The following PLEKHA8 variants were observed in gnomAD, a reference collection of about 807,000 sequenced individuals.
The protein encoded by PLEKHA8 is pleckstrin homology domain-containing family A member 8.
Under a neutral mutation model 68.2 loss-of-function variants are expected in PLEKHA8, and 36 were observed. That is an observed-to-expected ratio of 0.53 (90% CI 0.40 to 0.70). The LOEUF (loss-of-function observed/expected upper bound fraction) is 0.70. Among genes scored for constraint, PLEKHA8 ranks in the 30% least tolerant of loss-of-function variants. PLEKHA8 has a pLI of 0.00. For missense variants in PLEKHA8, 505 were observed against 615.4 expected, an observed-to-expected ratio of 0.82 and a Z score of 1.90; for synonymous variants, 211 against 216.1, an observed-to-expected ratio of 0.98 and a Z score of 0.20.
chr7:30,101,892 C>A (rs1210362657), intron 13 of PLEKHA8, among the ~76,000 whole-genome samples: 2 of 152,088 alleles, frequency 1.3e-5, no homozygotes, highest in Non-Finnish European at 2.9e-5. Context: ...GTAGATATGA[C>A]ACTAAAAGCA....
At chr7:30,045,321 A>G in intron 2 of PLEKHA8, 120 bp downstream of exon 2, 1 of 691,776 alleles carries the variant, frequency 1.4e-6, no homozygotes, top group South Asian at 2.2e-5. Flanking sequence ...CAAGGGACAT[A>G]GTGTTATGTG....
intron 9 of PLEKHA8, among the ~76,000 whole-genome samples, chr7:30,059,326 C>T (rs1793246393): frequency 6.6e-6 from 1 of 152,138 alleles, no homozygotes; most frequent in Non-Finnish European, 1.5e-5. Flanking sequence ...ATAGCATGTA[C>T]ATGCAAATTA....
At chr7:30,123,635 G>A (rs182018754) in intron 13 of PLEKHA8, among the ~76,000 whole-genome samples, 30 of 152,180 alleles carry the variant, frequency 2.0e-4, no homozygotes, top group Middle Eastern at 6.8e-3. Context: ...TGGATCTCTC[G>A]TTTTTGAGCT....
chr7:30,069,183 TG>T (rs1794069776), intron 12 of PLEKHA8, among the ~76,000 whole-genome samples: 3 of 152,184 alleles, frequency 2.0e-5, no homozygotes, highest in African/African-American at 7.2e-5. Context: ...ACTTCCCCGG[TG>T]CCTATCTGTT....
At chr7:30,029,082 C>T (rs1360411660) in intron 1 of PLEKHA8, among the ~76,000 whole-genome samples, 2 of 152,176 alleles carry the variant, frequency 1.3e-5, no homozygotes, top group Non-Finnish European at 2.9e-5. Context: ...GCACGGTGCT[C>T]TTGATGTCAG....
At chr7:30,094,274 A>G (rs74612867), downstream of PLEKHA8, among the ~76,000 whole-genome samples, 21,051 of 147,024 alleles carry the variant, frequency 0.14, 1,507 homozygotes, top group Middle Eastern at 0.19. Flanking sequence ...GCAAGTTTCT[A>G]CTTTTTTTTT....
intron 13 of PLEKHA8, among the ~76,000 whole-genome samples, chr7:30,108,090 A>AAAAAAAAAAAAAAAAAAATAAC (rs1796139364): frequency 6.7e-6 from 1 of 148,858 alleles, no homozygotes; most frequent in African/African-American, 2.5e-5. Context: ...AAAAAAAAAA[A>AAAAAAAAAAAAAAAAAAATAAC]AACCTACATT....
At chr7:30,034,743 C>T (rs1247321619) in intron 1 of PLEKHA8, among the ~76,000 whole-genome samples, 5 of 152,086 alleles carry the variant, frequency 3.3e-5, no homozygotes, top group South Asian at 2.1e-4. Context: ...CGCATGTGCA[C>T]GGTTGAAATT....
chr7:30,061,781 G>A (rs1793456903), intron 10 of PLEKHA8, 116 bp from the exon 11 acceptor site: 1 of 1,115,958 alleles, frequency 9.0e-7, no homozygotes, highest in Non-Finnish European at 1.3e-6. Context: ...GGTAATAGGA[G>A]CTTAATTTAT....
At chr7:30,117,610 G>A (rs1256321086) in intron 13 of PLEKHA8, among the ~76,000 whole-genome samples, 1 of 151,994 alleles carries the variant, frequency 6.6e-6, no homozygotes, top group South Asian at 2.1e-4. Flanking sequence ...AGGCTGAGGC[G>A]AGAGGGTCAC....
In PLEKHA8 at chr7:30,045,302, A is replaced by G. The variant is rs1019168125; in HGVS notation, c.157+101A>G. The G allele has an allele frequency of 1.2e-5, 10 of 824,138 alleles. No individual in the cohort carries two copies. The African/African-American group carries it at 1.4e-4, about 11-fold the overall frequency. 51.1% of individuals were successfully genotyped at this position (824,138 alleles called of 1,614,324 possible). ...GCATACCTTTCTCTGCTGCTCCCAT[A>G]ATACAGACCAAGGGACATAGTGTTA... On this transcript the variant is annotated intron_variant, in intron 2 of 13. Transcript: ENST00000449726.
chr7:30,046,751 G>A (rs145483143), intron 3 of PLEKHA8, among the ~76,000 whole-genome samples: 2 of 152,306 alleles, frequency 1.3e-5, no homozygotes, highest in South Asian at 4.1e-4. Flanking sequence ...TATCCAGTCT[G>A]TGGCCAAACT....
Position 30,082,821 on chromosome 7 carries a change from T to TC in PLEKHA8, c.*4035dup. On this transcript the variant is annotated 3_prime_UTR_variant, in exon 14 of 14. Coordinates refer to ENST00000449726, the MANE Select transcript of PLEKHA8 (RefSeq NM_001197026.2). ...AGAAACATCAGATCAGGCAATAGAG[T>TC]CAGAGGGTCATGAGCAATAGACGAT... 2 of 985,080 alleles carry TC rather than the reference T, an allele frequency of 2.0e-6. No individual in the cohort carries two copies. The highest frequency in any genetic ancestry group is 2.4e-6 in the Non-Finnish European group (2 of 829,868). 61.0% of individuals were successfully genotyped at this position (985,080 alleles called of 1,614,324 possible).
Position 30,081,772 on chromosome 7 carries a change from G to A in PLEKHA8, c.*2985G>A. Reference sequence around the variant, plus strand: ...TGTAGACACAAATAAGTAACATTAGGCTAACCCCTTATGAGACATTTCCAC... The same window carrying A: ...TGTAGACACAAATAAGTAACATTAGACTAACCCCTTATGAGACATTTCCAC... On this transcript the variant is annotated 3_prime_UTR_variant, in exon 14 of 14. Transcript: ENST00000449726. The A allele has an allele frequency of 2.0e-6, 2 of 985,274 alleles. No homozygotes were observed. Among genetic ancestry groups the A allele is most frequent in the Non-Finnish European group, 2.4e-6 (2 of 829,856 alleles). The allele number at this position is 985,274 out of a possible 1,614,324, so 61.0% of individuals were successfully genotyped here.
intron 6 of PLEKHA8, among the ~76,000 whole-genome samples, chr7:30,051,480 A>G: frequency 6.6e-6 from 1 of 152,118 alleles, no homozygotes; most frequent in East Asian, 1.9e-4. Context: ...TTATTAGAAG[A>G]AAATATTTTT....
chr7:30,081,325 T>C lies in PLEKHA8; in HGVS notation c.*2538T>C, dbSNP rs1794919748. 1 of 984,754 alleles carries C rather than the reference T, an allele frequency of 1.0e-6. No homozygotes were observed. The highest frequency in any genetic ancestry group is 1.7e-5 in the African/African-American group (1 of 57,220). 61.0% of individuals were successfully genotyped at this position (984,754 alleles called of 1,614,324 possible). On this transcript the variant is annotated 3_prime_UTR_variant, in exon 14 of 14. Coordinates refer to ENST00000449726, the MANE Select transcript of PLEKHA8 (RefSeq NM_001197026.2). ...TGTATAAAAGTTTGTTTAAGATGTG[T>C]AAAAGTTTGCTTAAGGAACTGAGGA...
intron 12 of PLEKHA8, among the ~76,000 whole-genome samples, chr7:30,072,680 G>T (rs377365796): frequency 1.3e-5 from 2 of 152,316 alleles, no homozygotes; most frequent in South Asian, 2.1e-4. Flanking sequence ...TGTTAGAATT[G>T]AAAATATTTT....
At chr7:30,115,782 AC>A (rs1796454124) in intron 13 of PLEKHA8, 2 of 150,878 alleles carry the variant, frequency 1.3e-5, no homozygotes, top group Non-Finnish European at 3.0e-5. Flanking sequence ...ATGCATGCAT[AC>A]ATACGTGCAC....
At chr7:30,035,992 A>G (rs1309232811) in intron 1 of PLEKHA8, among the ~76,000 whole-genome samples, 3 of 151,910 alleles carry the variant, frequency 2.0e-5, no homozygotes, top group Admixed American at 6.6e-5. Flanking sequence ...ATGGTGGCTC[A>G]CACCTGTAAT....
Sources: allele counts gnomAD v4.1 joint callset (sites outside exome capture counted in the v4.1 genomes callset), GRCh38; gene constraint gnomAD v4.1.1; transcripts MANE v1.5; gene names NCBI Gene and HGNC (gene_info 2026-07-23, HGNC 2026-07-21).